Variants in SBK3 observed in about 807,000 individuals in gnomAD.
SBK3 encodes the protein SH3 domain binding kinase family member 3, also known as uncharacterized serine/threonine-protein kinase SBK3.
Under a neutral mutation model 12.7 loss-of-function variants are expected in SBK3, and 16 were observed. The ratio of observed to expected loss-of-function variants is 1.26; its 90% CI spans 0.86 to 1.92. SBK3 has a LOEUF of 1.92. SBK3 is among the 40% of genes most tolerant of loss of function. The probability of loss-of-function intolerance (pLI) is 0.00; values close to 1 mark genes in which losing one functional copy is unlikely to be tolerated. For missense variants in SBK3, 462 were observed against 481.8 expected, an observed-to-expected ratio of 0.96 and a Z score of 0.38; for synonymous variants, 217 against 213.6, an observed-to-expected ratio of 1.02 and a Z score of -0.14.
chr19:55,542,775 T>TCCAC (rs1988584354), intron 3 of SBK3, among the ~76,000 whole-genome samples: 1 of 135,690 alleles, frequency 7.4e-6, no homozygotes, highest in Non-Finnish European at 1.6e-5. Context: ...CATCCATCCA[T>TCCAC]CCACCCATCC....
intron 1 of SBK3, 31 bp from the exon 2 acceptor site, chr19:55,544,980 C>T (rs1026691096): frequency 2.5e-5 from 38 of 1,499,064 alleles, no homozygotes; most frequent in African/African-American, 1.1e-4. Context: ...GAGGAGGGGG[C>T]GCGTCTGGGG....
In SBK3 at chr19:55,541,812, T is replaced by TTG. The variant is rs925166649; in HGVS notation, c.400-287_400-286insCA. ...TTCCCACCACATGCTCCCAAAGACT[T>TTG]TCTCTCCATCATCCTCAACCTCAAC... is the stretch of plus-strand genomic sequence containing the variant. On this transcript the variant is annotated intron_variant, in intron 3 of 3. Coordinates refer to ENST00000612221, the MANE Select transcript of SBK3 (RefSeq NM_001199824.2). This position sits in a 1 kb window ranked among gnomAD's most constrained non-coding sequence, Gnocchi z 5.3. Among the ~76,000 whole-genome samples, 3 of 152,102 alleles carry TTG rather than the reference T, an allele frequency of 2.0e-5. No homozygotes were observed. Among genetic ancestry groups the TTG allele is most frequent in the African/African-American group, 7.2e-5 (3 of 41,412 alleles).
In SBK3 at chr19:55,541,443, G is replaced by T; in HGVS notation, c.483C>A (p.His161Gln). The T allele has an allele frequency of 6.5e-7, 1 of 1,535,710 alleles. No homozygotes were observed. The highest frequency in any genetic ancestry group is 8.7e-7 in the Non-Finnish European group (1 of 1,146,732). ...LDFLHSRGLV[H>Q]ADVKPDNVLV... ...GCACGTTGTCAGGTTTGACATCTGC[G>T]TGGACCAGCCCCCGGCTGTGGAGGA... is the stretch of plus-strand genomic sequence containing the variant. The change falls in exon 4 of 4, where the codon CAC becomes CAA. Residue 161 changes from histidine to glutamine, a missense_variant. Transcript: ENST00000612221. The surrounding 1 kb of genome is among the most constrained non-coding windows in gnomAD (Gnocchi z 5.3).
Position 55,545,535 on chromosome 19 carries a change from G to A in SBK3, c.9C>T (p.Arg3=). The change falls in exon 1 of 4, where the codon CGC becomes CGT. Residue 3 remains arginine (R), a synonymous_variant. Transcript: ENST00000612221. The surrounding 1 kb of genome is among the most constrained non-coding windows in gnomAD (Gnocchi z 4.4). ME[R]RASETPEDGD... The stretch of plus-strand genomic sequence containing the variant: ...CATCCTCAGGGGTCTCGGAGGCCCT[G>A]CGCTCCATCTCAGGGCTTCCTGATG... 1 of 1,534,578 alleles carries A rather than the reference G, an allele frequency of 6.5e-7. No homozygotes were observed. The highest frequency in any genetic ancestry group is 1.4e-5 in the African/African-American group (1 of 72,998).
rs868082363 is a variant in SBK3 at position 55,540,831 on chromosome 19, G to A, written c.*15C>T. 1.3e-6 allele frequency: 2 copies of A among 1,535,206 alleles called. No homozygotes were observed. Among genetic ancestry groups the A allele is most frequent in the Non-Finnish European group, 1.7e-6 (2 of 1,146,076 alleles). On this transcript the variant is annotated 3_prime_UTR_variant, in exon 4 of 4. Coordinates refer to ENST00000612221, the MANE Select transcript of SBK3 (RefSeq NM_001199824.2). ...CCTCTGGCCCAGGCTCTGGCCACCT[G>A]TCTCTGTCACCTGGTCAGGGAGCTC...
At position 55,540,728 on chromosome 19, in the gene SBK3, A is replaced by G; in HGVS notation, c.*118T>C. ...TCCAAGCCCAGCGTTCCGTAGGGAG[A>G]GTGCAATGTGTTCCCTCTCTGTCCT... On this transcript the variant is annotated 3_prime_UTR_variant, in exon 4 of 4. Transcript: ENST00000612221. 1 of 860,340 alleles carries G rather than the reference A, an allele frequency of 1.2e-6. No individual in the cohort carries two copies. Among genetic ancestry groups the G allele is most frequent in the Non-Finnish European group, 1.9e-6 (1 of 530,096 alleles). The allele number at this position is 860,340 out of a possible 1,614,324, so 53.3% of individuals were successfully genotyped here. A position where few individuals can be genotyped will look rare whatever the true frequency, so the allele number is the denominator to read the frequency against.
chr19:55,544,829 G>T lies in SBK3; in HGVS notation c.166C>A (p.Arg56Ser). The T allele has an allele frequency of 6.5e-7, 1 of 1,528,716 alleles. No individual in the cohort carries two copies. The highest frequency in any genetic ancestry group is 8.7e-7 in the Non-Finnish European group (1 of 1,143,506). 94.7% of individuals were successfully genotyped at this position (1,528,716 alleles called of 1,614,324 possible). A position where few individuals can be genotyped will look rare whatever the true frequency, so the allele number is the denominator to read the frequency against. Reference protein sequence around the residue: ...IRKLGSGSYGRVLLAQPHQGG... With the variant: ...IRKLGSGSYGSVLLAQPHQGG... The stretch of plus-strand genomic sequence containing the variant: ...TGGTGAGGCTGGGCAAGGAGCACGC[G>T]GCCGTAGGAGCCGGAGCCCAGCTTC... Residue 56 changes from arginine to serine, a missense_variant, in exon 2 of 4, where the codon CGC becomes AGC. By Grantham distance (110) the Arg-to-Ser change is moderately radical (BLOSUM62 -1). Transcript: ENST00000612221.
Position 55,545,498 on chromosome 19 carries a change from C to T in SBK3, c.45+1G>A, listed in dbSNP as rs1275790668. 1 of 1,534,046 alleles carries T rather than the reference C, an allele frequency of 6.5e-7. No individual in the cohort carries two copies. Among genetic ancestry groups the T allele is most frequent in the Non-Finnish European group, 8.7e-7 (1 of 1,145,514 alleles). On this transcript the variant is annotated splice_donor_variant, in intron 1 of 3. Transcript: ENST00000612221. LOFTEE classifies it high-confidence loss of function. This position sits in a 1 kb window ranked among gnomAD's most constrained non-coding sequence, Gnocchi z 4.4. Reference sequence around the variant, plus strand: ...TTCCTCCCCTGGCTCCCGTCTCTCACCTCTGGGTCCCCATCCTCAGGGGTC... The same window carrying T: ...TTCCTCCCCTGGCTCCCGTCTCTCATCTCTGGGTCCCCATCCTCAGGGGTC...
chr19:55,544,545 A>C (rs1298648856), intron 2 of SBK3, among the ~76,000 whole-genome samples: 1 of 152,016 alleles, frequency 6.6e-6, no homozygotes, highest in Non-Finnish European at 1.5e-5. Context: ...GGCATCAAGT[A>C]AGAGACACGG....
chr19:55,540,876 CCCA>C lies in SBK3; in HGVS notation c.1047_1049del (p.Gly350del). The C allele has an allele frequency of 2.6e-6, 4 of 1,536,116 alleles. No homozygotes were observed. The highest frequency in any genetic ancestry group is 1.2e-5 in the South Asian group (1 of 84,066). ...GAGCTCCCCCATCTGTCCCCGTCCT[CCCA>C]CCACTTTTGCTGTCATCACCCTCAT... On this transcript the variant is annotated inframe_deletion, in exon 4 of 4. Coordinates refer to ENST00000612221, the MANE Select transcript of SBK3 (RefSeq NM_001199824.2).
chr19:55,544,487 C>G (rs536014061), intron 2 of SBK3, among the ~76,000 whole-genome samples, 185 bp from the exon 3 acceptor site: 2 of 152,138 alleles, frequency 1.3e-5, no homozygotes, highest in Non-Finnish European at 2.9e-5. Flanking sequence ...CGGACTGCGG[C>G]GTGGGCTTGC....
At position 55,545,211 on chromosome 19, in the gene SBK3, G is replaced by A. The variant is rs55758260; in HGVS notation, c.46-262C>T. 4 of 578,786 alleles carry A rather than the reference G, an allele frequency of 6.9e-6. No individual in the cohort carries two copies. The highest frequency in any genetic ancestry group is 1.2e-5 in the Non-Finnish European group (4 of 327,420). The allele number at this position is 578,786 out of a possible 1,614,324, so 35.9% of individuals were successfully genotyped here. ...AGGCCAGGAGCCCCCAGCCCCGAGT[G>A]GGGGTGCATCCTCAGCCCACACAGT... On this transcript the variant is annotated intron_variant, in intron 1 of 3. Coordinates refer to ENST00000612221, the MANE Select transcript of SBK3 (RefSeq NM_001199824.2). This position sits in a 1 kb window ranked among gnomAD's most constrained non-coding sequence, Gnocchi z 4.4.
At chr19:55,544,359 C>A in intron 2 of SBK3, 57 bp from the exon 3 acceptor site, 2 of 1,347,332 alleles carry the variant, frequency 1.5e-6, no homozygotes, top group Non-Finnish European at 2.0e-6. Flanking sequence ...GCTGTGGGGC[C>A]TGAGGGAAGC....
chr19:55,540,839 C>T lies in SBK3; in HGVS notation c.*7G>A, dbSNP rs1180421377. ...CCAGGCTCTGGCCACCTGTCTCTGT[C>T]ACCTGGTCAGGGAGCTCCCCCATCT... is the stretch of plus-strand genomic sequence containing the variant. On this transcript the variant is annotated 3_prime_UTR_variant, in exon 4 of 4. Transcript: ENST00000612221. The T allele has an allele frequency of 2.2e-5, 34 of 1,535,896 alleles. No individual in the cohort carries two copies. Among genetic ancestry groups the T allele is most frequent in the Non-Finnish European group, 2.8e-5 (32 of 1,146,714 alleles).
In SBK3 at chr19:55,540,980, C is replaced by T; in HGVS notation, c.946G>A (p.Gly316Arg). ...DDWGLQGNRE[G>R]PGVLGSAVSY... ...ACGGCGCTCCCCAAAACCCCAGGTC[C>T]CTCTCTGTTCCCTTGCAACCCCCAG... The change falls in exon 4 of 4, where the codon GGA (glycine) becomes AGA (arginine). Residue 316 changes from glycine to arginine, a missense_variant. By Grantham distance (125) the Gly-to-Arg change is moderately radical. Coordinates refer to ENST00000612221, the MANE Select transcript of SBK3 (RefSeq NM_001199824.2). 1 of 1,535,868 alleles carries T rather than the reference C, an allele frequency of 6.5e-7. No individual in the cohort carries two copies. Among genetic ancestry groups the T allele is most frequent in the South Asian group, 1.2e-5 (1 of 84,028 alleles).
chr19:55,545,331 C>G lies in SBK3; in HGVS notation c.45+168G>C. The G allele has an allele frequency of 1.6e-6, 1 of 619,414 alleles. No homozygotes were observed. The highest frequency in any genetic ancestry group is 2.8e-6 in the Non-Finnish European group (1 of 353,616). 38.4% of individuals were successfully genotyped at this position (619,414 alleles called of 1,614,324 possible). A position where few individuals can be genotyped will look rare whatever the true frequency, so the allele number is the denominator to read the frequency against. The stretch of plus-strand genomic sequence containing the variant: ...TCCAATTCTCTGGGGGCCTTGGTCT[C>G]GCTGTGTGTCCTTGGATCTCTGTCA... On this transcript the variant is annotated intron_variant, in intron 1 of 3. Transcript: ENST00000612221. The surrounding 1 kb of genome is among the most constrained non-coding windows in gnomAD (Gnocchi z 4.4).
chr19:55,543,052 T>C (rs1341882641), intron 3 of SBK3, among the ~76,000 whole-genome samples: 1 of 75,930 alleles, frequency 1.3e-5, no homozygotes, highest in East Asian at 4.9e-4. Flanking sequence ...CACCCACCCA[T>C]CCACTCATCC....
In SBK3 at chr19:55,541,137, A is replaced by C. The variant is rs1330722625; in HGVS notation, c.789T>G (p.Pro263=). 6.5e-7 allele frequency: 1 copy of C among 1,535,722 alleles called. No homozygotes were observed. Among genetic ancestry groups the C allele is most frequent in the East Asian group, 2.4e-5 (1 of 40,912 alleles). Residue 263 remains proline, a synonymous_variant, in exon 4 of 4, where the codon CCT becomes CCG. Coordinates refer to ENST00000612221, the MANE Select transcript of SBK3 (RefSeq NM_001199824.2). This position sits in a 1 kb window ranked among gnomAD's most constrained non-coding sequence, Gnocchi z 5.3. ...AGGGTGGTGGTGGCTGAGGTGGCTG[A>C]GGCTTGGTGGTCACCCAGCCAGCGA... ...EAFAGWVTTK[P]QPPQPPPPWD... is the part of the protein sequence containing the mutation.
Position 55,541,567 on chromosome 19 carries a change from T to C in SBK3, c.400-41A>G. 7.0e-7 allele frequency: 1 copy of C among 1,433,588 alleles called. No homozygotes were observed. The highest frequency in any genetic ancestry group is 2.4e-5 in the Admixed American group (1 of 42,158). 88.8% of individuals were successfully genotyped at this position (1,433,588 alleles called of 1,614,324 possible). Reference sequence around the variant, plus strand: ...CAGGAGGAGGGTCAGAGTGTCTTGGTTTTGTCTTTTTTATGTTGTCCAGGC... The same window carrying C: ...CAGGAGGAGGGTCAGAGTGTCTTGGCTTTGTCTTTTTTATGTTGTCCAGGC... On this transcript the variant is annotated intron_variant, in intron 3 of 3. Coordinates refer to ENST00000612221, the MANE Select transcript of SBK3 (RefSeq NM_001199824.2). This position sits in a 1 kb window ranked among gnomAD's most constrained non-coding sequence, Gnocchi z 5.3.
Sources: allele counts gnomAD v4.1 joint callset (sites outside exome capture counted in the v4.1 genomes callset), GRCh38; gene constraint gnomAD v4.1.1; non-coding constraint Gnocchi (gnomAD v3.1); transcripts MANE v1.5; gene names NCBI Gene and HGNC (gene_info 2026-07-23, HGNC 2026-07-21).